The following NREP variants were observed in gnomAD, a reference collection of about 807,000 sequenced individuals.
NREP encodes neuronal regeneration-related protein.
Under a neutral mutation model 8.6 loss-of-function variants are expected in NREP, and 5 were observed. The observed-to-expected ratio is 0.58, with a 90% confidence interval of 0.30 to 1.22. The LOEUF (loss-of-function observed/expected upper bound fraction) is 1.22, where lower values mean the gene tolerates loss of function less well. Among genes scored for constraint, NREP ranks in the 50% most tolerant of loss-of-function variants. The pLI, the probability that NREP is intolerant of heterozygous loss-of-function variation, is 0.07. For synonymous variants in NREP, 27 were observed against 28.0 expected (o/e 0.96, Z 0.11); for missense variants, 86 against 82.5 (o/e 1.04, Z -0.17).
intron 2 of NREP, among the ~76,000 whole-genome samples, chr5:111,804,749 C>G (rs1301616588): frequency 6.6e-6 from 1 of 151,868 alleles, no homozygotes; most frequent in Non-Finnish European, 1.5e-5. Context: ...CGCCTGTAGT[C>G]CCAGCACTTT....
intron 2 of NREP, among the ~76,000 whole-genome samples, chr5:111,854,696 T>G (rs1453205526): frequency 6.6e-6 from 1 of 152,146 alleles, no homozygotes; most frequent in Non-Finnish European, 1.5e-5. Flanking sequence ...ATTTTTTCAT[T>G]GCGTAAGTGA....
At chr5:111,921,440 C>T (rs1755237169) in intron 2 of NREP, among the ~76,000 whole-genome samples, 1 of 152,108 alleles carries the variant, frequency 6.6e-6, no homozygotes, top group Non-Finnish European at 1.5e-5. Context: ...TGGGTGGCAT[C>T]CCTTACTCTC....
chr5:111,934,525 C>T (rs1298240752), intron 2 of NREP, among the ~76,000 whole-genome samples: 2 of 152,056 alleles, frequency 1.3e-5, no homozygotes, highest in Non-Finnish European at 2.9e-5. Flanking sequence ...TACAGGTACA[C>T]TGAGTGAAGC....
chr5:111,871,284 A>C (rs1283301884), intron 2 of NREP, among the ~76,000 whole-genome samples: 1 of 152,182 alleles, frequency 6.6e-6, no homozygotes, highest in Non-Finnish European at 1.5e-5. Context: ...GTAGGCAATC[A>C]TAGCACAATG....
At chr5:111,952,826 A>G (rs1256346759) in intron 2 of NREP, among the ~76,000 whole-genome samples, 1 of 152,154 alleles carries the variant, frequency 6.6e-6, no homozygotes, top group East Asian at 1.9e-4. Flanking sequence ...TGAAGAATAT[A>G]TGGAATCTCT....
At chr5:111,845,015 C>T (rs1230669253) in intron 2 of NREP, among the ~76,000 whole-genome samples, 1 of 152,030 alleles carries the variant, frequency 6.6e-6, no homozygotes, top group Non-Finnish European at 1.5e-5. Context: ...GTCTCTGGGA[C>T]TCTGAGGGCC....
chr5:111,775,682 C>T (rs141173823), intron 2 of NREP, among the ~76,000 whole-genome samples: 16 of 152,028 alleles, frequency 1.1e-4, no homozygotes, highest in Admixed American at 7.9e-4. Flanking sequence ...GAAGGGTAGA[C>T]GAGGGCTTTG....
chr5:111,798,163 C>G lies in NREP; in HGVS notation c.136-62656G>C, dbSNP rs545097674. Among the ~76,000 whole-genome samples the G allele has an allele frequency of 7.5e-4, 114 of 152,054 alleles. No homozygotes were observed. In the South Asian group the frequency reaches 0.019, roughly 26 times the overall value. ...ACTTACTATCTTATTTTTAGCAAAGCTGAATTTTGAAAGGCAGGTCAAATT... is the reference window on the plus strand; with the variant it reads ...ACTTACTATCTTATTTTTAGCAAAGGTGAATTTTGAAAGGCAGGTCAAATT... On this transcript the variant is annotated intron_variant, in intron 2 of 3. Transcript: ENST00000395634.
At chr5:111,938,699 A>G (rs1441106946) in intron 2 of NREP, among the ~76,000 whole-genome samples, 2 of 152,048 alleles carry the variant, frequency 1.3e-5, no homozygotes, top group Non-Finnish European at 2.9e-5. Flanking sequence ...TAAACTTTAA[A>G]TGCCTTCGTA....
intron 2 of NREP, among the ~76,000 whole-genome samples, chr5:111,968,383 C>A (rs548329701): frequency 1.3e-5 from 2 of 152,098 alleles, no homozygotes; most frequent in Non-Finnish European, 2.9e-5. Context: ...CATAACATTT[C>A]TAGTACAGAA....
At chr5:111,834,420 T>C (rs1289409092) in intron 2 of NREP, among the ~76,000 whole-genome samples, 1 of 152,174 alleles carries the variant, frequency 6.6e-6, no homozygotes, top group Non-Finnish European at 1.5e-5. Context: ...AGATATGAAA[T>C]AGTTATTTTC....
upstream of NREP, chr5:111,757,995 C>A (rs1257615432): frequency 2.0e-6 from 2 of 985,456 alleles, no homozygotes; most frequent in Non-Finnish European, 2.4e-6. Context: ...GCGGCAGCCG[C>A]CTTCCTTTTA....
intron 2 of NREP, among the ~76,000 whole-genome samples, chr5:111,974,735 G>C (rs972670283): frequency 1.3e-5 from 2 of 152,156 alleles, no homozygotes; most frequent in African/African-American, 2.4e-5. Context: ...CAGCTAAAAT[G>C]AGTTATTATA....
At chr5:111,781,075 A>G (rs1751482952) in intron 2 of NREP, among the ~76,000 whole-genome samples, 1 of 152,044 alleles carries the variant, frequency 6.6e-6, no homozygotes, top group Non-Finnish European at 1.5e-5. Context: ...GGTTTGTGGT[A>G]TAGATTATTT....
intron 2 of NREP, among the ~76,000 whole-genome samples, chr5:111,768,763 T>C (rs1751145651): frequency 6.6e-6 from 1 of 152,190 alleles, no homozygotes; most frequent in African/African-American, 2.4e-5. Context: ...CAGTCTACCA[T>C]TGATGGGCAC....
rs1425568507 is a variant in NREP, at chr5:111,730,903, C to T, written c.*18G>A. 3.7e-6 allele frequency: 6 copies of T among 1,613,486 alleles called. No individual in the cohort carries two copies. The highest frequency in any genetic ancestry group is 2.7e-5 in the African/African-American group (2 of 74,874). On this transcript the variant is annotated 3_prime_UTR_variant, in exon 4 of 4. Coordinates refer to ENST00000257435, the MANE Select transcript of NREP (RefSeq NM_004772.4). The stretch of plus-strand genomic sequence containing the variant: ...CAATACCCATACACCATATGTAATA[C>T]AAATGGAGGTGTTACGATTAAAAAA...
chr5:111,938,016 G>C (rs185561541), intron 2 of NREP, among the ~76,000 whole-genome samples: 1 of 152,124 alleles, frequency 6.6e-6, no homozygotes, highest in East Asian at 1.9e-4. Flanking sequence ...TCTAACCTCA[G>C]TGTCTGCCTC....
At position 111,756,439 on chromosome 5, in the gene NREP, G is replaced by A. The variant is rs564811537; in HGVS notation, c.-58-609C>T. ...ACCCTCAACCTTTATATTATCAGAA[G>A]ACCGCTCTTTTGTTAACACAGTTAT... On this transcript the variant is annotated intron_variant, in intron 1 of 3. Transcript: ENST00000257435. Among the ~76,000 whole-genome samples the A allele has an allele frequency of 5.3e-5, 8 of 151,628 alleles. No homozygotes were observed. The East Asian group carries it at 1.5e-3, about 29-fold the overall frequency.
chr5:111,889,723 G>A (rs138320506), intron 2 of NREP, among the ~76,000 whole-genome samples: 2 of 152,306 alleles, frequency 1.3e-5, no homozygotes, highest in East Asian at 3.9e-4. Context: ...TCCACCAGCA[G>A]GCTTTGTGTG....
Sources: allele counts gnomAD v4.1 joint callset (sites outside exome capture counted in the v4.1 genomes callset), GRCh38; gene constraint gnomAD v4.1.1; transcripts MANE v1.5; gene names NCBI Gene and HGNC (gene_info 2026-07-23, HGNC 2026-07-21).